BMS1: variants seen among roughly 807,000 people sequenced by gnomAD.
BMS1 encodes ribosome biogenesis protein BMS1 homolog.
Under a neutral mutation model 138.7 loss-of-function variants are expected in BMS1, and 53 were observed. The observed-to-expected ratio is 0.38, with a 90% CI of 0.31 to 0.48. The LOEUF (loss-of-function observed/expected upper bound fraction) is 0.48. BMS1 is among the 20% of genes least tolerant of loss of function. The pLI, the probability that BMS1 is intolerant of heterozygous loss-of-function variation, is 0.97. For missense variants in BMS1, 1,360 were observed against 1,565.5 expected, an observed-to-expected ratio of 0.87 and a Z score of 2.22; for synonymous variants, 504 against 539.9, an observed-to-expected ratio of 0.93 and a Z score of 0.92.
At chr10:42,808,283 T>C (rs1196936253) in intron 13 of BMS1, among the ~76,000 whole-genome samples, 1 of 150,258 alleles carries the variant, frequency 6.7e-6, no homozygotes, top group Non-Finnish European at 1.5e-5. Context: ...TATTTATTTA[T>C]TTATTTATTT....
chr10:42,783,054 G>T (rs1026481687), intron 1 of BMS1, among the ~76,000 whole-genome samples: 1 of 152,070 alleles, frequency 6.6e-6, no homozygotes, highest in African/African-American at 2.4e-5. Context: ...AAGGTGGCTG[G>T]GCGACGTCGT....
In BMS1 at chr10:42,832,632, A is replaced by G. The variant is rs1434163643; in HGVS notation, c.*1536A>G. 1 of 152,078 alleles carries G rather than the reference A, an allele frequency of 6.6e-6. No individual in the cohort carries two copies. Among genetic ancestry groups the G allele is most frequent in the East Asian group, 1.9e-4 (1 of 5,170 alleles). 9.4% of individuals were successfully genotyped at this position (152,078 alleles called of 1,614,324 possible). ...TTGGCCTAGTCTGAGAGGCTCTCTAAAAGCCTAAAGTCTGTAGGCAGGTGC... is the reference window on the plus strand; with the variant it reads ...TTGGCCTAGTCTGAGAGGCTCTCTAGAAGCCTAAAGTCTGTAGGCAGGTGC... On this transcript the variant is annotated 3_prime_UTR_variant, in exon 23 of 23. Transcript: ENST00000374518.
chr10:42,784,585 G>A lies in BMS1; in HGVS notation c.176+15G>A, dbSNP rs552489079. 1.0e-5 allele frequency: 16 copies of A among 1,582,438 alleles called. No individual in the cohort carries two copies. Among genetic ancestry groups the A allele is most frequent in the Middle Eastern group, 1.7e-4 (1 of 5,924 alleles). Reference sequence around the variant, plus strand: ...TCCTTTCACAGGTATGTTAGGCTACGGTCTGGTCATTCTTCCATTGATTCT... The same window carrying A: ...TCCTTTCACAGGTATGTTAGGCTACAGTCTGGTCATTCTTCCATTGATTCT... On this transcript the variant is annotated intron_variant, in intron 2 of 22. Transcript: ENST00000374518.
At chr10:42,817,522 C>T (rs12245355) in intron 15 of BMS1, 28 bp downstream of exon 15, 123,353 of 1,576,890 alleles carry the variant, frequency 0.078, 5,648 homozygotes, top group African/African-American at 0.17. Context: ...CTCTCAGCCC[C>T]TTGTCAAGAC....
chr10:42,823,642 C>G lies in BMS1; in HGVS notation c.3314C>G (p.Ser1105Cys), dbSNP rs768526461. The change falls in exon 21 of 23, where the codon TCC becomes TGC. Residue 1105 changes from serine to cysteine, a missense_variant. Physicochemically the swap from Ser to Cys is moderately radical, Grantham distance 112. This residue lies in a region of BMS1 where 425 missense variants were observed against 568.3 expected (regional missense o/e 0.75). Coordinates refer to ENST00000374518, the MANE Select transcript of BMS1 (RefSeq NM_014753.4). ...IVFMRTWYPV[S>C]IPAFYNPVTS... is the part of the protein sequence containing the mutation. ...TTCATGCGAACTTGGTATCCTGTTT[C>G]CATCCCAGCGTTCTATAACCCAGTA... 5.0e-6 allele frequency: 8 copies of G among 1,587,748 alleles called. No homozygotes were observed. In the East Asian group the frequency reaches 1.3e-4, roughly 27 times the overall value.
rs371584328 is a variant in BMS1 at position 42,793,970 on chromosome 10, C to T, written c.1208C>T (p.Ser403Leu). 8 of 1,611,456 alleles carry T rather than the reference C, an allele frequency of 5.0e-6. No individual in the cohort carries two copies. The highest frequency in any genetic ancestry group is 6.8e-6 in the Non-Finnish European group (8 of 1,179,752). ...TTTTCTGATTCCAAGCCACTTGGGT[C>T]AGAGGATATAGATAATCAAGGGTAA... is the stretch of plus-strand genomic sequence containing the variant. Reference protein sequence around the residue: ...TLFSDSKPLGSEDIDNQGLMM... With the variant: ...TLFSDSKPLGLEDIDNQGLMM... The change falls in exon 9 of 23, where the codon TCA (serine) becomes TTA (leucine). Residue 403 changes from serine (S) to leucine (L), a missense_variant. By Grantham distance (145) the Ser-to-Leu change is moderately radical. Around this residue, in one of 3 missense-constraint regions of BMS1, gnomAD observed 697 missense variants for 686.2 expected, o/e 1.02. Transcript: ENST00000374518.
At chr10:42,813,225 T>C (rs190046675) in intron 13 of BMS1, among the ~76,000 whole-genome samples, 29 of 152,382 alleles carry the variant, frequency 1.9e-4, no homozygotes, top group Non-Finnish European at 2.4e-4. Flanking sequence ...AGTTGGGCCA[T>C]GTGTTTATTA....
intron 7 of BMS1, 60 bp downstream of exon 7, chr10:42,792,674 T>C: frequency 6.4e-7 from 1 of 1,556,766 alleles, no homozygotes; most frequent in Non-Finnish European, 8.6e-7. Context: ...ATGGCTTCAT[T>C]TCTCAGGAAA....
At chr10:42,810,092 G>A (rs982294908) in intron 13 of BMS1, among the ~76,000 whole-genome samples, 3 of 151,602 alleles carry the variant, frequency 2.0e-5, no homozygotes, top group East Asian at 1.9e-4. Context: ...AGGAGCCACC[G>A]CACCTGGCCT....
intron 13 of BMS1, among the ~76,000 whole-genome samples, chr10:42,805,268 C>A (rs1409289965): frequency 6.6e-6 from 1 of 152,128 alleles, no homozygotes; most frequent in Non-Finnish European, 1.5e-5. Context: ...TTGAATTGCC[C>A]TGTATTGGTT....
At chr10:42,794,631 C>T (rs1355709938) in intron 9 of BMS1, among the ~76,000 whole-genome samples, 9 of 151,436 alleles carry the variant, frequency 5.9e-5, no homozygotes, top group Non-Finnish European at 1.0e-4. Context: ...CGAAAGATCA[C>T]TCCTTTATAA....
chr10:42,822,983 A>G, intron 19 of BMS1, 135 bp from the exon 20 acceptor site: 1 of 909,072 alleles, frequency 1.1e-6, no homozygotes. Flanking sequence ...TCAGGGGCGA[A>G]TACATTTTGT....
intron 21 of BMS1, among the ~76,000 whole-genome samples, chr10:42,829,754 G>A (rs1470575197): frequency 6.6e-6 from 1 of 151,864 alleles, no homozygotes; most frequent in East Asian, 1.9e-4. Flanking sequence ...CCCAGGAGGT[G>A]GAGGTTGCAT....
Position 42,834,705 on chromosome 10 carries a change from T to A in BMS1, c.*3609T>A, listed in dbSNP as rs1450785516. 2.0e-5 allele frequency: 3 copies of A among 152,084 alleles called. No homozygotes were observed. The highest frequency in any genetic ancestry group is 4.4e-5 in the Non-Finnish European group (3 of 68,028). The allele number at this position is 152,084 out of a possible 1,614,324, so 9.4% of individuals were successfully genotyped here. A position where few individuals can be genotyped will look rare whatever the true frequency, so the allele number is the denominator to read the frequency against. On this transcript the variant is annotated 3_prime_UTR_variant, in exon 23 of 23. Coordinates refer to ENST00000374518, the MANE Select transcript of BMS1 (RefSeq NM_014753.4). ...ATCAGATAAACTTTGGTTGGATGGGTATTTGGAGGAATCTTTTAAGTCTTT... is the reference window on the plus strand; with the variant it reads ...ATCAGATAAACTTTGGTTGGATGGGAATTTGGAGGAATCTTTTAAGTCTTT...
Position 42,796,435 on chromosome 10 carries a change from G to A in BMS1, c.1230-39G>A, listed in dbSNP as rs750251871. The stretch of plus-strand genomic sequence containing the variant: ...GCCATTTCTAGATTAGCTGATTAAT[G>A]TACAAATTGAATTATTTTGTATTTC... On this transcript the variant is annotated intron_variant, in intron 9 of 22. Coordinates refer to ENST00000374518, the MANE Select transcript of BMS1 (RefSeq NM_014753.4). 29 of 1,562,744 alleles carry A rather than the reference G, an allele frequency of 1.9e-5. No homozygotes were observed. The South Asian group carries it at 2.8e-4, about 15-fold the overall frequency.
At chr10:42,827,039 G>C (rs989337215) in intron 21 of BMS1, among the ~76,000 whole-genome samples, 2 of 152,134 alleles carry the variant, frequency 1.3e-5, no homozygotes, top group Admixed American at 1.3e-4. Flanking sequence ...CCTAGTGGGA[G>C]GTATTTGGGT....
rs183952674 is a variant in BMS1, at chr10:42,795,833, G to A, written c.1230-641G>A. Among the ~76,000 whole-genome samples, 101 of 152,118 alleles carry A rather than the reference G, an allele frequency of 6.6e-4. No homozygotes were observed. The East Asian group carries it at 0.013, about 19-fold the overall frequency. ...GTTCTTCCTCTGTCATTCCTCCTAC[G>A]TTTGTTAGCTGGCATTTTTAACAAA... On this transcript the variant is annotated intron_variant, in intron 9 of 22. Transcript: ENST00000374518.
chr10:42,823,494 A>G (rs1349158910), intron 20 of BMS1, 115 bp from the exon 21 acceptor site: 11 of 1,202,654 alleles, frequency 9.1e-6, no homozygotes, highest in South Asian at 5.3e-5. Flanking sequence ...TTTTCCTTCA[A>G]ATACTTTGCA....
Position 42,798,634 on chromosome 10 carries a change from G to C in BMS1, c.2247+9G>C, listed in dbSNP as rs1295113045. On this transcript the variant is annotated intron_variant, in intron 12 of 22. Coordinates refer to ENST00000374518, the MANE Select transcript of BMS1 (RefSeq NM_014753.4). ...ACTGGGATTTAGAGGAGGTAAGTCT[G>C]GGTAGTACATTTGATTTATTAGAGA... 1 of 1,613,036 alleles carries C rather than the reference G, an allele frequency of 6.2e-7. No homozygotes were observed. Among genetic ancestry groups the C allele is most frequent in the Non-Finnish European group, 8.5e-7 (1 of 1,179,182 alleles).
Sources: allele counts gnomAD v4.1 joint callset (sites outside exome capture counted in the v4.1 genomes callset), GRCh38; gene constraint gnomAD v4.1.1; regional missense constraint gnomAD v4.1.1; transcripts MANE v1.5; gene names NCBI Gene and HGNC (gene_info 2026-07-23, HGNC 2026-07-21).